ZFAND4: variants seen among roughly 807,000 people sequenced by gnomAD.
The protein encoded by ZFAND4 is zinc finger AN1-type containing 4.
A neutral mutation model predicts 64.4 loss-of-function variants in ZFAND4; 43 were observed. The ratio of observed to expected loss-of-function variants is 0.67; its 90% CI spans 0.52 to 0.86. The LOEUF is 0.86. ZFAND4 is among the 40% of genes least tolerant of loss of function. The probability of loss-of-function intolerance (pLI) is 0.00; values close to 1 mark genes in which losing one functional copy is unlikely to be tolerated. For missense variants in ZFAND4, 929 were observed against 859.8 expected (o/e 1.08, Z -1.01); for synonymous variants, 296 against 305.7 (o/e 0.97, Z 0.33).
chr10:45,662,686 A>G (rs1012113469), intron 2 of ZFAND4: 2 of 984,494 alleles, frequency 2.0e-6, no homozygotes, highest in African/African-American at 3.5e-5. Context: ...CTGGGTCTAG[A>G]GAAATAGCAA....
At chr10:45,665,329 C>A (rs1212493473) in intron 1 of ZFAND4, among the ~76,000 whole-genome samples, 1 of 152,114 alleles carries the variant, frequency 6.6e-6, no homozygotes, top group Non-Finnish European at 1.5e-5. Context: ...CACCTGAGGT[C>A]AGGAGTTCGA....
chr10:45,651,571 T>G (rs896155653), intron 4 of ZFAND4: 1 of 471,956 alleles, frequency 2.1e-6, no homozygotes, highest in South Asian at 1.5e-5. Context: ...ACAAACCAGG[T>G]AAACAGGCAA....
At chr10:45,629,235 A>T (rs1414513869) in intron 6 of ZFAND4, among the ~76,000 whole-genome samples, 1 of 151,870 alleles carries the variant, frequency 6.6e-6, no homozygotes, top group Non-Finnish European at 1.5e-5. Flanking sequence ...GCTAATTTTT[A>T]TATTTTTTGT....
chr10:45,644,485 A>T (rs536886401), intron 5 of ZFAND4, among the ~76,000 whole-genome samples: 1 of 152,346 alleles, frequency 6.6e-6, no homozygotes, highest in South Asian at 2.1e-4. Context: ...ATAAAAAATG[A>T]AAATGAAGCT....
intron 6 of ZFAND4, among the ~76,000 whole-genome samples, chr10:45,633,953 A>T (rs903610760): frequency 6.6e-6 from 1 of 152,240 alleles, no homozygotes; most frequent in African/African-American, 2.4e-5. Flanking sequence ...ATCCCAGATT[A>T]AAAACAATAT....
intron 8 of ZFAND4, among the ~76,000 whole-genome samples, chr10:45,620,018 G>A (rs957193518): frequency 3.3e-5 from 5 of 152,300 alleles, no homozygotes; most frequent in Middle Eastern, 3.4e-3. Flanking sequence ...GATGTCCAAT[G>A]AATGTTAATC....
intron 5 of ZFAND4, among the ~76,000 whole-genome samples, chr10:45,645,325 T>G (rs941042511): frequency 1.3e-5 from 2 of 152,198 alleles, no homozygotes; most frequent in Non-Finnish European, 2.9e-5. Context: ...CAGCAGGTAT[T>G]TCATGGTAAA....
At chr10:45,630,605 G>A (rs1464070516) in intron 6 of ZFAND4, among the ~76,000 whole-genome samples, 1 of 151,964 alleles carries the variant, frequency 6.6e-6, no homozygotes, top group Non-Finnish European at 1.5e-5. Context: ...GCAGGCACCT[G>A]TAGTCCCAGC....
At chr10:45,652,866 G>A in intron 3 of ZFAND4, 118 bp downstream of exon 3, 1 of 704,494 alleles carries the variant, frequency 1.4e-6, no homozygotes, top group South Asian at 2.0e-5. Flanking sequence ...TGAAATCTAG[G>A]AATGTGAACT....
At chr10:45,636,033 G>A (rs1174776632) in intron 6 of ZFAND4, among the ~76,000 whole-genome samples, 2 of 151,938 alleles carry the variant, frequency 1.3e-5, no homozygotes, top group East Asian at 1.9e-4. Context: ...AAATCGTAAT[G>A]CAAAAATCCT....
At chr10:45,631,961 A>G (rs1385134191) in intron 6 of ZFAND4, among the ~76,000 whole-genome samples, 1 of 152,260 alleles carries the variant, frequency 6.6e-6, no homozygotes, top group Non-Finnish European at 1.5e-5. Flanking sequence ...GAAAAATTCA[A>G]GAATTACTGT....
intron 8 of ZFAND4, among the ~76,000 whole-genome samples, chr10:45,619,176 C>A (rs2045230216): frequency 1.3e-5 from 2 of 151,652 alleles, no homozygotes; most frequent in Non-Finnish European, 2.9e-5. Context: ...GTAGCTGGGA[C>A]TATGGGCACG....
chr10:45,646,400 T>G (rs2047383903), intron 5 of ZFAND4, among the ~76,000 whole-genome samples: 1 of 152,224 alleles, frequency 6.6e-6, no homozygotes. Flanking sequence ...CTTCATGGTA[T>G]GATCAGATTG....
At chr10:45,635,258 G>C (rs76612219) in intron 6 of ZFAND4, among the ~76,000 whole-genome samples, 7,957 of 133,960 alleles carry the variant, frequency 0.059, 360 homozygotes, top group African/African-American at 0.12. Context: ...TCACAATTAT[G>C]TGACTTTAAA....
chr10:45,619,605 G>C (rs1310866533), intron 8 of ZFAND4, among the ~76,000 whole-genome samples: 1 of 152,128 alleles, frequency 6.6e-6, no homozygotes, highest in East Asian at 1.9e-4. Flanking sequence ...AAAGGTTTAG[G>C]AGGCCTAAGC....
In ZFAND4 at chr10:45,627,377, A is replaced by G. The variant is rs1410120424; in HGVS notation, c.718-272T>C. On this transcript the variant is annotated intron_variant, in intron 6 of 9. Coordinates refer to ENST00000344646, the MANE Select transcript of ZFAND4 (RefSeq NM_174890.4). ...CAGAGTTTTACTACAAAGAAAATGA[A>G]CTGATTATATTAGATATGACATTGC... 2.6e-5 allele frequency among the ~76,000 whole-genome samples: 4 copies of G among 152,148 alleles called. No homozygotes were observed. In the East Asian group the frequency reaches 5.8e-4, roughly 22 times the overall value.
chr10:45,628,561 A>T (rs959588991), intron 6 of ZFAND4, among the ~76,000 whole-genome samples: 1 of 152,084 alleles, frequency 6.6e-6, no homozygotes. Flanking sequence ...CACCCATCTC[A>T]GCCTCCCAAA....
At chr10:45,641,990 T>G (rs1281302220) in intron 5 of ZFAND4, among the ~76,000 whole-genome samples, 1 of 152,176 alleles carries the variant, frequency 6.6e-6, no homozygotes, top group Admixed American at 6.5e-5. Flanking sequence ...ATCATGCTTG[T>G]GCACCCAGAT....
At chr10:45,659,803 T>C (rs917245430) in intron 2 of ZFAND4, among the ~76,000 whole-genome samples, 2 of 152,032 alleles carry the variant, frequency 1.3e-5, no homozygotes, top group African/African-American at 2.4e-5. Context: ...ATGTTAAAAA[T>C]AAAAGCTCCA....
Sources: allele counts gnomAD v4.1 joint callset (sites outside exome capture counted in the v4.1 genomes callset), GRCh38; gene constraint gnomAD v4.1.1; transcripts MANE v1.5; gene names NCBI Gene and HGNC (gene_info 2026-07-23, HGNC 2026-07-21).